Variants in PRRG3 observed in about 807,000 individuals in gnomAD.
PRRG3 encodes transmembrane gamma-carboxyglutamic acid protein 3.
In PRRG3, 21 loss-of-function variants were observed where a neutral mutation model predicts 15.8. The ratio of observed to expected loss-of-function variants is 1.33; its 90% CI spans 0.94 to 1.92. PRRG3 has a LOEUF of 1.92. Ranked by LOEUF, PRRG3 falls within the 40% of genes most tolerant of loss-of-function variation. The pLI, the probability that PRRG3 is intolerant of heterozygous loss-of-function variation, is 0.00. For missense variants in PRRG3, 251 were observed against 200.2 expected (o/e 1.25, Z -1.53); for synonymous variants, 125 against 84.1 (o/e 1.49, Z -2.66).
chrX:151,694,766 G>A (rs947213004), upstream of PRRG3, among the ~76,000 whole-genome samples: 6 of 112,207 alleles, frequency 5.3e-5, no homozygotes, highest in African/African-American at 1.9e-4. Flanking sequence ...GGTGGGGACA[G>A]GACGCGGGTT....
At chrX:151,696,999 TTC>T (rs199707366) in intron 1 of PRRG3, among the ~76,000 whole-genome samples, 6 of 109,795 alleles carry the variant, frequency 5.5e-5, no homozygotes, top group East Asian at 5.8e-4. Context: ...CTCTCTTTCT[TTC>T]TCTCTTTCTT....
chrX:151,701,795 T>C lies in PRRG3; in HGVS notation c.*762T>C, dbSNP rs758509724. Reference sequence around the variant, plus strand: ...CACGTGGACTCTGCCATTCAGTTTCTAGTGTGCTTGTCTCTCCAGACATGT... The same window carrying C: ...CACGTGGACTCTGCCATTCAGTTTCCAGTGTGCTTGTCTCTCCAGACATGT... On this transcript the variant is annotated 3_prime_UTR_variant, in exon 4 of 4. Coordinates refer to ENST00000674457, the MANE Select transcript of PRRG3 (RefSeq NM_001372163.1). 9.8e-5 allele frequency: 11 copies of C among 112,171 alleles called. No individual in the cohort carries two copies. In the South Asian group the frequency reaches 4.1e-3, roughly 42 times the overall value. The allele number at this position is 112,171 out of a possible 1,213,427, so 9.2% of individuals were successfully genotyped here. A position where few individuals can be genotyped will look rare whatever the true frequency, so the allele number is the denominator to read the frequency against.
At chrX:151,695,876 G>A (rs769868274) in intron 1 of PRRG3, among the ~76,000 whole-genome samples, 4 of 111,320 alleles carry the variant, frequency 3.6e-5, no homozygotes, top group South Asian at 3.9e-4. Context: ...CTTTCCTGGC[G>A]ATCAGTTCTG....
rs1325540511 is a variant in PRRG3, at chrX:151,705,450, T to A, written c.*4417T>A. ...CAACAGTTGTTTCACTGTACTGATA[T>A]CTGACTGCTGAACAGTGCCTGCCCT... On this transcript the variant is annotated 3_prime_UTR_variant, in exon 4 of 4. Coordinates refer to ENST00000674457, the MANE Select transcript of PRRG3 (RefSeq NM_001372163.1). 1 of 334,397 alleles carries A rather than the reference T, an allele frequency of 3.0e-6. No homozygotes were observed. The highest frequency in any genetic ancestry group is 2.7e-5 in the African/African-American group (1 of 37,357). 27.6% of individuals were successfully genotyped at this position (334,397 alleles called of 1,213,427 possible). A position where few individuals can be genotyped will look rare whatever the true frequency, so the allele number is the denominator to read the frequency against.
Position 151,705,173 on chromosome X carries a change from T to C in PRRG3, c.*4140T>C, listed in dbSNP as rs2014955445. On this transcript the variant is annotated 3_prime_UTR_variant, in exon 4 of 4. Coordinates refer to ENST00000674457, the MANE Select transcript of PRRG3 (RefSeq NM_001372163.1). ...TGTTGGATATTGCAGCCTTTCACTCTACTCCGTTATTTATCCTGTGAATAA... is the reference window on the plus strand; with the variant it reads ...TGTTGGATATTGCAGCCTTTCACTCCACTCCGTTATTTATCCTGTGAATAA... The C allele has an allele frequency of 3.3e-6, 1 of 303,656 alleles. No individual in the cohort carries two copies. Among genetic ancestry groups the C allele is most frequent in the Non-Finnish European group, 6.6e-6 (1 of 151,412 alleles). The allele number at this position is 303,656 out of a possible 1,213,427, so 25.0% of individuals were successfully genotyped here.
Position 151,701,065 on chromosome X carries a change from C to T in PRRG3, c.*32C>T, listed in dbSNP as rs760346102. ...GTTTGTGCCCTGTCCTGGATGAACG[C>T]CTCTTTCCGAGGTCTCCTATTTTCT... is the stretch of plus-strand genomic sequence containing the variant. On this transcript the variant is annotated 3_prime_UTR_variant, in exon 4 of 4. Coordinates refer to ENST00000674457, the MANE Select transcript of PRRG3 (RefSeq NM_001372163.1). 1 of 1,069,065 alleles carries T rather than the reference C, an allele frequency of 9.4e-7. No individual in the cohort carries two copies. The allele number at this position is 1,069,065 out of a possible 1,213,427, so 88.1% of individuals were successfully genotyped here.
Position 151,702,182 on chromosome X carries a change from C to T in PRRG3, c.*1149C>T, listed in dbSNP as rs886895693. On this transcript the variant is annotated 3_prime_UTR_variant, in exon 4 of 4. Coordinates refer to ENST00000674457, the MANE Select transcript of PRRG3 (RefSeq NM_001372163.1). ...TGACCTCAACACCAAACCATTTCTC[C>T]TCTGTGGTGCTTTAAAAATTGTAGC... The T allele has an allele frequency of 2.7e-5, 3 of 112,425 alleles. No individual in the cohort carries two copies. The highest frequency in any genetic ancestry group is 6.5e-5 in the African/African-American group (2 of 30,926). The allele number at this position is 112,425 out of a possible 1,213,427, so 9.3% of individuals were successfully genotyped here.
At chrX:151,700,282 G>A in intron 3 of PRRG3, 126 bp downstream of exon 3, 6 of 1,174,914 alleles carry the variant, frequency 5.1e-6, no homozygotes, top group Non-Finnish European at 6.8e-6. Context: ...AGCCACTAGG[G>A]CCATCACGGA....
Position 151,700,824 on chromosome X carries a change from C to A in PRRG3, c.487C>A (p.Arg163=), listed in dbSNP as rs764746380. ...CCCCCAGGTGGTGCTGGGGCCCAGT[C>A]GGGGGGGCAGGACCACAGTCCGGCT... ...NSPQVVLGPS[R]GGRTTVRLES... The change falls in exon 4 of 4, where the codon CGG becomes AGG. Residue 163 remains arginine (R), a synonymous_variant. Transcript: ENST00000674457. 2 of 1,187,630 alleles carry A rather than the reference C, an allele frequency of 1.7e-6. No homozygotes were observed. Among genetic ancestry groups the A allele is most frequent in the African/African-American group, 3.6e-5 (2 of 55,805 alleles).
In PRRG3 at chrX:151,704,203, C is replaced by T. The variant is rs1368630596; in HGVS notation, c.*3170C>T. The T allele has an allele frequency of 1.8e-5, 2 of 109,612 alleles. No homozygotes were observed. Among genetic ancestry groups the T allele is most frequent in the Non-Finnish European group, 3.8e-5 (2 of 52,713 alleles). The allele number at this position is 109,612 out of a possible 1,213,427, so 9.0% of individuals were successfully genotyped here. On this transcript the variant is annotated 3_prime_UTR_variant, in exon 4 of 4. Transcript: ENST00000674457. ...GGGGTGCACAGGTGCCTGGCGTGTA[C>T]ACACCACCCACACAGCTGCGTCCAG...
intron 1 of PRRG3, among the ~76,000 whole-genome samples, chrX:151,697,110 TCCTTC>T (rs2014778328): frequency 1.2e-5 from 1 of 80,609 alleles, no homozygotes; most frequent in African/African-American, 4.8e-5. Context: ...CTCCCTCCCT[TCCTTC>T]CTCCCTCCCT....
Position 151,703,459 on chromosome X carries a change from A to ATGTGTGTGTGTGTGTGTG in PRRG3, c.*2438_*2455dup, listed in dbSNP as rs113176763. On this transcript the variant is annotated 3_prime_UTR_variant, in exon 4 of 4. Transcript: ENST00000674457. ...ACATTTTTGCTGTTTTTGGACTTCT[A>ATGTGTGTGTGTGTGTGTG]TGTGTGTGTGTGTGTGTGTGTGTGT... 2 of 101,017 alleles carry ATGTGTGTGTGTGTGTGTG rather than the reference A, an allele frequency of 2.0e-5. No homozygotes were observed. Among genetic ancestry groups the ATGTGTGTGTGTGTGTGTG allele is most frequent in the Admixed American group, 2.2e-4 (2 of 9,099 alleles). The allele number at this position is 101,017 out of a possible 1,213,427, so 8.3% of individuals were successfully genotyped here. A position where few individuals can be genotyped will look rare whatever the true frequency, so the allele number is the denominator to read the frequency against.
Position 151,702,346 on chromosome X carries a change from G to A in PRRG3, c.*1313G>A, listed in dbSNP as rs2014900566. 8.9e-6 allele frequency: 1 copy of A among 112,310 alleles called. No homozygotes were observed. Among genetic ancestry groups the A allele is most frequent in the Non-Finnish European group, 1.9e-5 (1 of 53,255 alleles). The allele number at this position is 112,310 out of a possible 1,213,427, so 9.3% of individuals were successfully genotyped here. A position where few individuals can be genotyped will look rare whatever the true frequency, so the allele number is the denominator to read the frequency against. On this transcript the variant is annotated 3_prime_UTR_variant, in exon 4 of 4. Transcript: ENST00000674457. ...ATTGGGACTCATTTCCTTGAATGCA[G>A]CCCTGCCTTCAGGCCACAGAGGACT...
In PRRG3 at chrX:151,700,443, C is replaced by A. The variant is rs2014848461; in HGVS notation, c.169-63C>A. ...GGAAGGGTAGGAAGCACCAGAGTTA[C>A]TGAAGGCCTCTGAGCCCACCTGGAG... On this transcript the variant is annotated intron_variant, in intron 3 of 3. Coordinates refer to ENST00000674457, the MANE Select transcript of PRRG3 (RefSeq NM_001372163.1). 8.1e-6 allele frequency: 9 copies of A among 1,117,895 alleles called. No individual in the cohort carries two copies. In the East Asian group the frequency reaches 2.7e-4, roughly 34 times the overall value. The allele number at this position is 1,117,895 out of a possible 1,213,427, so 92.1% of individuals were successfully genotyped here.
At chrX:151,700,352 G>A (rs1446196971) in intron 3 of PRRG3, 154 bp from the exon 4 acceptor site, 2 of 1,142,535 alleles carry the variant, frequency 1.8e-6, no homozygotes, top group African/African-American at 1.8e-5. Context: ...TCACTTGGGA[G>A]CATTGTCCTT....
rs1210965029 is a variant in PRRG3, at chrX:151,703,203, A to G, written c.*2170A>G. On this transcript the variant is annotated 3_prime_UTR_variant, in exon 4 of 4. Transcript: ENST00000674457. ...TGGGAAGAGTCACAGGAGGTTGCTT[A>G]AGGCCTGTGATGTTCGGTTCAGATG... 8.9e-6 allele frequency: 1 copy of G among 111,889 alleles called. No individual in the cohort carries two copies. Among genetic ancestry groups the G allele is most frequent in the Non-Finnish European group, 1.9e-5 (1 of 53,128 alleles). The allele number at this position is 111,889 out of a possible 1,213,427, so 9.2% of individuals were successfully genotyped here.
intron 1 of PRRG3, 120 bp from the exon 2 acceptor site, chrX:151,698,664 A>G: frequency 2.1e-6 from 1 of 482,972 alleles, no homozygotes; most frequent in Non-Finnish European, 3.5e-6. Context: ...GCACCCCACA[A>G]GGTGCTGCTT....
In PRRG3 at chrX:151,697,502, ATTAGGTGGC is replaced by A. The variant is rs778514138; in HGVS notation, c.-31-1281_-31-1273del. On this transcript the variant is annotated intron_variant, in intron 1 of 3. Coordinates refer to ENST00000674457, the MANE Select transcript of PRRG3 (RefSeq NM_001372163.1). ...TATATCCTACCTGTTTGCCAAAAGG[ATTAGGTGGC>A]ATATTATAAATGCACAATAGGACAC... is the stretch of plus-strand genomic sequence containing the variant. 3.6e-5 allele frequency among the ~76,000 whole-genome samples: 4 copies of A among 111,546 alleles called. No homozygotes were observed. The South Asian group carries it at 1.5e-3, about 43-fold the overall frequency.
intron 1 of PRRG3, among the ~76,000 whole-genome samples, chrX:151,697,315 G>C (rs1292790110): frequency 9.1e-6 from 1 of 109,801 alleles, no homozygotes; most frequent in Admixed American, 9.7e-5. Flanking sequence ...ATGCACCGCA[G>C]CATGCCTAAC....
Sources: allele counts gnomAD v4.1 joint callset (sites outside exome capture counted in the v4.1 genomes callset), GRCh38; gene constraint gnomAD v4.1.1; transcripts MANE v1.5; gene names NCBI Gene and HGNC (gene_info 2026-07-23, HGNC 2026-07-21).